LHFPL6: variants seen among roughly 807,000 people sequenced by gnomAD.
LHFPL6 encodes the protein LHFPL tetraspan subfamily member 6.
Under a neutral mutation model 20.6 loss-of-function variants are expected in LHFPL6, and 9 were observed. That is an observed-to-expected ratio of 0.44 (90% CI 0.26 to 0.76). The LOEUF (loss-of-function observed/expected upper bound fraction) is 0.76, where lower values mean the gene tolerates loss of function less well. Ranked by LOEUF, LHFPL6 falls within the 30% of genes least tolerant of loss-of-function variation. LHFPL6 has a pLI of 0.20. For synonymous variants in LHFPL6, 105 were observed against 98.7 expected (o/e 1.06, Z -0.38); for missense variants, 218 against 253.5 (o/e 0.86, Z 0.95).
chr13:39,486,598 T>C (rs1868734479), intron 2 of LHFPL6, among the ~76,000 whole-genome samples: 1 of 152,186 alleles, frequency 6.6e-6, no homozygotes, highest in African/African-American at 2.4e-5. Context: ...GCCAATATGA[T>C]GACGATGGTC....
intron 2 of LHFPL6, among the ~76,000 whole-genome samples, chr13:39,510,647 A>AACAC (rs146898558): frequency 6.6e-6 from 1 of 151,852 alleles, no homozygotes; most frequent in African/African-American, 2.4e-5. Flanking sequence ...AGAAAGAGAA[A>AACAC]ACACACACAC....
chr13:39,482,875 A>C (rs183072180), intron 2 of LHFPL6, among the ~76,000 whole-genome samples: 1 of 152,180 alleles, frequency 6.6e-6, no homozygotes, highest in Non-Finnish European at 1.5e-5. Context: ...TAGATACAGG[A>C]CTCAAGTGGA....
rs73460957 is a variant in LHFPL6, at chr13:39,431,804, A to C, written c.386-53278T>G. On this transcript the variant is annotated intron_variant, in intron 2 of 3. Coordinates refer to ENST00000379589, the MANE Select transcript of LHFPL6 (RefSeq NM_005780.3). ...TTTTAAAAATATTTAACCATTTCTC[A>C]CCACCCAGCTATCACTCCAGCCCAA... Among the ~76,000 whole-genome samples, 1,161 of 149,878 alleles carry C rather than the reference A, an allele frequency of 7.7e-3. 11 individuals carry two copies. Among genetic ancestry groups the C allele is most frequent in the African/African-American group, 0.024 (979 of 40,542 alleles).
At chr13:39,461,246 A>T (rs765962504) in intron 2 of LHFPL6, among the ~76,000 whole-genome samples, 2 of 152,124 alleles carry the variant, frequency 1.3e-5, no homozygotes, top group Non-Finnish European at 2.9e-5. Flanking sequence ...ACTGATGGGC[A>T]TTTAGGTTGA....
intron 3 of LHFPL6, among the ~76,000 whole-genome samples, chr13:39,374,076 A>G (rs143798010): frequency 6.6e-6 from 1 of 152,250 alleles, no homozygotes; most frequent in East Asian, 1.9e-4. Flanking sequence ...CATGTACCCC[A>G]CATGTTCATC....
At chr13:39,422,134 T>A (rs1239865282) in intron 2 of LHFPL6, among the ~76,000 whole-genome samples, 3 of 152,234 alleles carry the variant, frequency 2.0e-5, no homozygotes, top group African/African-American at 7.2e-5. Flanking sequence ...CTAGCCTTAT[T>A]TGTTAATCAC....
At chr13:39,575,851 T>C (rs761410020) in intron 2 of LHFPL6, among the ~76,000 whole-genome samples, 3 of 152,206 alleles carry the variant, frequency 2.0e-5, no homozygotes, top group Non-Finnish European at 2.9e-5. Context: ...TATCTTCAGA[T>C]TGACGTTCAG....
intron 2 of LHFPL6, among the ~76,000 whole-genome samples, chr13:39,573,357 T>C (rs1871995936): frequency 6.6e-6 from 1 of 152,322 alleles, no homozygotes. Context: ...CATCTTTTTT[T>C]AATGTATGTT....
Position 39,427,057 on chromosome 13 carries a change from TAAAA to T in LHFPL6, c.386-48535_386-48532del, listed in dbSNP as rs527894114. Among the ~76,000 whole-genome samples, 337 of 139,480 alleles carry T rather than the reference TAAAA, an allele frequency of 2.4e-3. 6 individuals are homozygous for T. The South Asian group carries it at 0.04, about 17-fold the overall frequency. The allele number at this position is 139,480 out of a possible 152,430, so 91.5% of individuals were successfully genotyped here. ...TGCCTTAATTGCCTTTGCATCTTTGTAAAAAAAAAAAAAAGCTTGCCCTATATGT... is the reference window on the plus strand; with the variant it reads ...TGCCTTAATTGCCTTTGCATCTTTGTAAAAAAAAAAGCTTGCCCTATATGT... On this transcript the variant is annotated intron_variant, in intron 2 of 3. Coordinates refer to ENST00000379589, the MANE Select transcript of LHFPL6 (RefSeq NM_005780.3).
intron 2 of LHFPL6, among the ~76,000 whole-genome samples, chr13:39,581,304 A>G (rs1019348373): frequency 9.8e-5 from 15 of 152,310 alleles, no homozygotes; most frequent in African/African-American, 3.4e-4. Flanking sequence ...CTGAAATTAC[A>G]CTGAAGTCAA....
intron 2 of LHFPL6, among the ~76,000 whole-genome samples, chr13:39,536,190 T>C (rs1466295539): frequency 6.6e-6 from 1 of 152,196 alleles, no homozygotes; most frequent in African/African-American, 2.4e-5. Context: ...TAAAGAAATG[T>C]ACATTGCAAG....
rs558816317 is a variant in LHFPL6 at position 39,343,699 on chromosome 13, T to C, written c.*237A>G. 2.2e-6 allele frequency: 1 copy of C among 452,706 alleles called. No homozygotes were observed. The highest frequency in any genetic ancestry group is 3.9e-5 in the Admixed American group (1 of 25,598). 28.0% of individuals were successfully genotyped at this position (452,706 alleles called of 1,614,324 possible). A position where few individuals can be genotyped will look rare whatever the true frequency, so the allele number is the denominator to read the frequency against. ...AATAGAAACACCCGATGCCCTGCAA[T>C]ATTTTTAGCCTTTGGTCCATTTTTC... is the stretch of plus-strand genomic sequence containing the variant. On this transcript the variant is annotated 3_prime_UTR_variant, in exon 4 of 4. Transcript: ENST00000379589.
chr13:39,447,265 C>A, intron 2 of LHFPL6, among the ~76,000 whole-genome samples: 1 of 152,188 alleles, frequency 6.6e-6, no homozygotes. Flanking sequence ...TGCAGACTCT[C>A]TTGAGTGTCC....
chr13:39,479,659 A>ACATTGTG (rs1319293164), intron 2 of LHFPL6, among the ~76,000 whole-genome samples: 1 of 152,222 alleles, frequency 6.6e-6, no homozygotes, highest in East Asian at 1.9e-4. Flanking sequence ...GGGTTGCCAG[A>ACATTGTG]CATTGTGCTA....
intron 3 of LHFPL6, among the ~76,000 whole-genome samples, chr13:39,374,432 G>C (rs1232647684): frequency 6.6e-6 from 1 of 152,052 alleles, no homozygotes; most frequent in Non-Finnish European, 1.5e-5. Flanking sequence ...TGGGCATTAT[G>C]CTCATTAGCT....
In LHFPL6 at chr13:39,509,366, G is replaced by A. The variant is rs527458492; in HGVS notation, c.385+91466C>T. The stretch of plus-strand genomic sequence containing the variant: ...TATCTAAGAAATCTTAGCCTAACAC[G>A]AGGTCATAAATATTTCCTTTTTCTC... On this transcript the variant is annotated intron_variant, in intron 2 of 3. Transcript: ENST00000379589. 3.6e-4 allele frequency among the ~76,000 whole-genome samples: 54 copies of A among 151,822 alleles called. 2 individuals carry two copies. The South Asian group carries it at 0.011, about 30-fold the overall frequency.
At chr13:39,549,588 C>T (rs1415244848) in intron 2 of LHFPL6, among the ~76,000 whole-genome samples, 1 of 152,026 alleles carries the variant, frequency 6.6e-6, no homozygotes, top group Admixed American at 6.6e-5. Context: ...AATGGTACAG[C>T]CACTTTGGAA....
At chr13:39,392,577 A>C (rs1870737457) in intron 2 of LHFPL6, among the ~76,000 whole-genome samples, 1 of 151,234 alleles carries the variant, frequency 6.6e-6, no homozygotes, top group South Asian at 2.1e-4. Flanking sequence ...CTGGGCAACA[A>C]GAGCTAAACT....
chr13:39,583,254 C>T (rs1872345775), intron 2 of LHFPL6, among the ~76,000 whole-genome samples: 1 of 148,102 alleles, frequency 6.8e-6, no homozygotes, highest in African/African-American at 2.5e-5. Flanking sequence ...CTCACTGCAA[C>T]CTCTGCCTCC....
Sources: gnomAD v4.1 joint callset for allele counts (sites outside exome capture counted in the v4.1 genomes callset) on GRCh38, gnomAD v4.1.1 for gene constraint, MANE v1.5 for transcripts, NCBI Gene and HGNC (gene_info 2026-07-23, HGNC 2026-07-21) for gene names.